The following AGAP1 variants were observed in gnomAD, a reference collection of about 807,000 sequenced individuals.
AGAP1 encodes the protein ArfGAP with GTPase domain, ankyrin repeat and PH domain 1.
Under a neutral mutation model 105.3 loss-of-function variants are expected in AGAP1, and 29 were observed. The observed-to-expected ratio is 0.28, with a 90% confidence interval of 0.21 to 0.38. The LOEUF (loss-of-function observed/expected upper bound fraction) is 0.38, where lower values mean the gene tolerates loss of function less well. AGAP1 is among the 10% of genes least tolerant of loss of function. The pLI, the probability that AGAP1 is intolerant of heterozygous loss-of-function variation, is 1.00. For missense variants in AGAP1, 998 were observed against 1,165.1 expected (o/e 0.86, Z 2.09); for synonymous variants, 509 against 485.9 (o/e 1.05, Z -0.63).
intron 1 of AGAP1, among the ~76,000 whole-genome samples, chr2:235,704,491 C>T (rs1360529295): frequency 6.6e-6 from 1 of 152,126 alleles, no homozygotes; most frequent in Non-Finnish European, 1.5e-5. Flanking sequence ...ACTAAAAATA[C>T]AAAAATTACC....
In AGAP1 at chr2:235,901,102, TGC is replaced by T. The variant is rs1395327159; in HGVS notation, c.1156-7635_1156-7634del. On this transcript the variant is annotated intron_variant, in intron 10 of 17. Coordinates refer to ENST00000304032, the MANE Select transcript of AGAP1 (RefSeq NM_001037131.3). This position sits in a 1 kb window ranked among gnomAD's most constrained non-coding sequence, Gnocchi z 4.3. ...TATTTTTAGGAGCATGACTTTGGTC[TGC>T]ACCTGTGACTACGTACAAGGCCATT... is the stretch of plus-strand genomic sequence containing the variant. Among the ~76,000 whole-genome samples, 3 of 152,262 alleles carry T rather than the reference TGC, an allele frequency of 2.0e-5. No individual in the cohort carries two copies. Among genetic ancestry groups the T allele is most frequent in the African/African-American group, 7.2e-5 (3 of 41,464 alleles).
chr2:235,954,305 G>A (rs1166237322), intron 12 of AGAP1, among the ~76,000 whole-genome samples: 1 of 151,694 alleles, frequency 6.6e-6, no homozygotes, highest in African/African-American at 2.4e-5. Flanking sequence ...AGCAATCATA[G>A]CACACTAAGG....
At chr2:235,903,908 A>G (rs866535337) in intron 10 of AGAP1, among the ~76,000 whole-genome samples, 5 of 152,176 alleles carry the variant, frequency 3.3e-5, no homozygotes, top group Middle Eastern at 6.8e-3. Context: ...TCTCTGTATC[A>G]GGAGGGATCT....
chr2:235,560,803 A>G (rs2149134957), intron 1 of AGAP1, among the ~76,000 whole-genome samples: 1 of 152,258 alleles, frequency 6.6e-6, no homozygotes, highest in East Asian at 1.9e-4. Flanking sequence ...CGTCGTTCTA[A>G]ACCAGTCAGC....
At chr2:235,941,398 T>A (rs898044862) in intron 12 of AGAP1, among the ~76,000 whole-genome samples, 1 of 152,226 alleles carries the variant, frequency 6.6e-6, no homozygotes, top group Non-Finnish European at 1.5e-5. Flanking sequence ...CCCACTGCCC[T>A]GGCCCTGGGA....
At chr2:235,849,724 T>A (rs1223769644) in intron 9 of AGAP1, among the ~76,000 whole-genome samples, 1 of 152,118 alleles carries the variant, frequency 6.6e-6, no homozygotes, top group African/African-American at 2.4e-5. Context: ...CCTTCTCCCT[T>A]CCTCATGGCC....
At position 236,090,408 on chromosome 2, in the gene AGAP1, T is replaced by C. The variant is rs2059028506; in HGVS notation, c.2115-29784T>C. 6.6e-6 allele frequency among the ~76,000 whole-genome samples: 1 copy of C among 152,232 alleles called. No homozygotes were observed. The highest frequency in any genetic ancestry group is 1.5e-5 in the Non-Finnish European group (1 of 68,048). ...TCAAGAGTCACAAATTAGAAAATAATATTCACATGTTTCTTCTAATTGGTA... is the reference window on the plus strand; with the variant it reads ...TCAAGAGTCACAAATTAGAAAATAACATTCACATGTTTCTTCTAATTGGTA... On this transcript the variant is annotated intron_variant, in intron 16 of 17. Transcript: ENST00000304032. This position sits in a 1 kb window ranked among gnomAD's most constrained non-coding sequence, Gnocchi z 4.3.
At position 235,511,975 on chromosome 2, in the gene AGAP1, AGT is replaced by A. The variant is rs535284314; in HGVS notation, c.163+17132_163+17133del. ...GAATGTGTGTGTAAAGGTGATTGTG[AGT>A]GTGTGAATGCGTGTGTGAATGCGTG... On this transcript the variant is annotated intron_variant, in intron 1 of 17. Transcript: ENST00000304032. Among the ~76,000 whole-genome samples the A allele has an allele frequency of 7.0e-4, 95 of 136,666 alleles. 1 individual carries two copies. The highest frequency in any genetic ancestry group is 1.2e-3 in the South Asian group (5 of 4,146). 89.7% of individuals were successfully genotyped at this position (136,666 alleles called of 152,430 possible).
intron 1 of AGAP1, among the ~76,000 whole-genome samples, chr2:235,589,375 T>A (rs950550626): frequency 6.6e-6 from 1 of 151,692 alleles, no homozygotes; most frequent in African/African-American, 2.4e-5. Context: ...CCGGCTAACA[T>A]TTTGTATGTT....
chr2:235,509,805 A>G (rs1941994849), intron 1 of AGAP1, among the ~76,000 whole-genome samples: 4 of 152,280 alleles, frequency 2.6e-5, no homozygotes, highest in African/African-American at 7.2e-5. Flanking sequence ...ATGGACCAGT[A>G]CTGGGCCTAT....
rs548807852 is a variant in AGAP1, at chr2:235,641,673, C to A, written c.164-67506C>A. On this transcript the variant is annotated intron_variant, in intron 1 of 17. Transcript: ENST00000304032. ...ATACGTTCAGTGGCATTATTTGTTA[C>A]ATTTTTAAAAATACATATTTTATTT... is the stretch of plus-strand genomic sequence containing the variant. Among the ~76,000 whole-genome samples the A allele has an allele frequency of 5.3e-5, 8 of 152,308 alleles. No individual in the cohort carries two copies. The South Asian group carries it at 1.4e-3, about 28-fold the overall frequency.
Position 235,972,838 on chromosome 2 carries a change from G to A in AGAP1, c.1645+4215G>A, listed in dbSNP as rs116002085. Among the ~76,000 whole-genome samples the A allele has an allele frequency of 2.9e-3, 446 of 152,304 alleles. 1 individual carries two copies. The highest frequency in any genetic ancestry group is 4.9e-3 in the Non-Finnish European group (331 of 68,024). Reference sequence around the variant, plus strand: ...TTGGTGGTCCACAAACACAGGAAACGAAGCTCTAGAGGGCAGGGGTATGTG... The same window carrying A: ...TTGGTGGTCCACAAACACAGGAAACAAAGCTCTAGAGGGCAGGGGTATGTG... On this transcript the variant is annotated intron_variant, in intron 13 of 17. Coordinates refer to ENST00000304032, the MANE Select transcript of AGAP1 (RefSeq NM_001037131.3).
chr2:235,544,738 C>G (rs1219409670), intron 1 of AGAP1, among the ~76,000 whole-genome samples: 3 of 152,162 alleles, frequency 2.0e-5, no homozygotes, highest in Non-Finnish European at 4.4e-5. Context: ...GCCTGAGGCT[C>G]TCCCACACTG....
intron 6 of AGAP1, among the ~76,000 whole-genome samples, chr2:235,780,891 T>C (rs1956219643): frequency 6.6e-6 from 1 of 152,208 alleles, no homozygotes. Flanking sequence ...GTAGGTGGTT[T>C]ATAAGTGTGG....
rs1487784742 is a variant in AGAP1, at chr2:236,105,286, G to C, written c.2115-14906G>C. On this transcript the variant is annotated intron_variant, in intron 16 of 17. Transcript: ENST00000304032. The surrounding 1 kb of genome is among the most constrained non-coding windows in gnomAD (Gnocchi z 4.2). ...TGCACACAGTCTTGCGTCAACTTCAGTTTTAACACGATAGCCAGGTAAGGG... is the reference window on the plus strand; with the variant it reads ...TGCACACAGTCTTGCGTCAACTTCACTTTTAACACGATAGCCAGGTAAGGG... 1.3e-5 allele frequency among the ~76,000 whole-genome samples: 2 copies of C among 152,180 alleles called. No individual in the cohort carries two copies. The highest frequency in any genetic ancestry group is 4.8e-5 in the African/African-American group (2 of 41,438).
Position 236,095,616 on chromosome 2 carries a change from C to G in AGAP1, c.2115-24576C>G, listed in dbSNP as rs148588237. Reference sequence around the variant, plus strand: ...AAATTCTCATGTTGGTAGATATTGACATAGGCAGTGCTTACAGTGTTGTGG... The same window carrying G: ...AAATTCTCATGTTGGTAGATATTGAGATAGGCAGTGCTTACAGTGTTGTGG... On this transcript the variant is annotated intron_variant, in intron 16 of 17. Transcript: ENST00000304032. The surrounding 1 kb of genome is among the most constrained non-coding windows in gnomAD (Gnocchi z 4.1). Among the ~76,000 whole-genome samples, 26 of 152,308 alleles carry G rather than the reference C, an allele frequency of 1.7e-4. No homozygotes were observed. In the East Asian group the frequency reaches 5.0e-3, roughly 29 times the overall value.
chr2:235,966,567 G>A (rs1185771079), intron 12 of AGAP1, among the ~76,000 whole-genome samples: 2 of 152,158 alleles, frequency 1.3e-5, no homozygotes, highest in African/African-American at 2.4e-5. Flanking sequence ...CTGAGACACC[G>A]AATTGCCACA....
chr2:235,814,292 T>C (rs1958327645), intron 9 of AGAP1, among the ~76,000 whole-genome samples: 1 of 152,210 alleles, frequency 6.6e-6, no homozygotes, highest in Non-Finnish European at 1.5e-5. Flanking sequence ...ATCTAAGTGA[T>C]TTGTTTCAGC....
At chr2:235,938,094 G>A (rs773193612) in intron 12 of AGAP1, among the ~76,000 whole-genome samples, 1 of 152,242 alleles carries the variant, frequency 6.6e-6, no homozygotes, top group Non-Finnish European at 1.5e-5. Flanking sequence ...TCCGCCTGGC[G>A]GCACGGCCGG....
Sources: gnomAD v4.1 joint callset for allele counts (sites outside exome capture counted in the v4.1 genomes callset) on GRCh38, gnomAD v4.1.1 for gene constraint, Gnocchi (gnomAD v3.1) non-coding constraint, MANE v1.5 for transcripts, NCBI Gene and HGNC (gene_info 2026-07-23, HGNC 2026-07-21) for gene names.